The following GALNT16 variants were observed in gnomAD, a reference collection of about 807,000 sequenced individuals.
GALNT16 encodes the protein UDP-GalNAc:polypeptide N-acetylgalactosaminyltransferase-like protein 1.
A neutral mutation model predicts 76.1 loss-of-function variants in GALNT16; 40 were observed. The observed-to-expected ratio is 0.53, with a 90% CI of 0.41 to 0.68. The LOEUF is 0.68. GALNT16 is among the 30% of genes least tolerant of loss of function. The pLI is 0.00. For synonymous variants in GALNT16, 276 were observed against 285.2 expected (o/e 0.97, Z 0.32); for missense variants, 621 against 731.9 (o/e 0.85, Z 1.75).
intron 11 of GALNT16, among the ~76,000 whole-genome samples, chr14:69,341,097 C>T (rs1011617028): frequency 2.0e-5 from 3 of 152,124 alleles, no homozygotes; most frequent in Non-Finnish European, 4.4e-5. Context: ...ACTTAATTCA[C>T]TTGATTCTCA....
chr14:69,276,794 T>TA (rs57321455), intron 1 of GALNT16, among the ~76,000 whole-genome samples: 2 of 152,146 alleles, frequency 1.3e-5, no homozygotes, highest in Non-Finnish European at 2.9e-5. Context: ...CTTTTTGGAA[T>TA]AAAAAAACTC....
chr14:69,280,900 T>G (rs1443691285), intron 1 of GALNT16, among the ~76,000 whole-genome samples: 1 of 152,090 alleles, frequency 6.6e-6, no homozygotes, highest in Non-Finnish European at 1.5e-5. Flanking sequence ...TTTCCTCCCC[T>G]TGGGGAAGAA....
chr14:69,362,813 C>T, the GALNT16 span, among the ~76,000 whole-genome samples: 1 of 152,206 alleles, frequency 6.6e-6, no homozygotes, highest in African/African-American at 2.4e-5. Context: ...GGACTGTCTC[C>T]AGCCACCAGG....
intron 12 of GALNT16, among the ~76,000 whole-genome samples, chr14:69,344,764 G>T (rs1302601066): frequency 1.3e-5 from 2 of 152,202 alleles, no homozygotes; most frequent in Non-Finnish European, 2.9e-5. Flanking sequence ...GAGTAGCAGG[G>T]TCTGGAACAA....
intron 1 of GALNT16, among the ~76,000 whole-genome samples, chr14:69,296,462 G>C (rs1030098289): frequency 6.6e-6 from 1 of 152,174 alleles, no homozygotes; most frequent in African/African-American, 2.4e-5. Flanking sequence ...GGGAAGCCGA[G>C]GTGGGCAGAT....
intron 1 of GALNT16, among the ~76,000 whole-genome samples, chr14:69,295,936 T>C (rs970643305): frequency 6.6e-6 from 1 of 152,220 alleles, no homozygotes; most frequent in Non-Finnish European, 1.5e-5. Flanking sequence ...GTTTTGTTCA[T>C]GGACCCTTCC....
chr14:69,331,329 G>A (rs1205854855), intron 6 of GALNT16, 135 bp from the exon 7 acceptor site: 1 of 660,554 alleles, frequency 1.5e-6, no homozygotes, highest in Non-Finnish European at 2.7e-6. Context: ...AGGGTTGAGG[G>A]GTGGCCCTGG....
chr14:69,377,804 CAAAAAAAAAAAAAA>C, the GALNT16 span, among the ~76,000 whole-genome samples: 1,562 of 37,602 alleles, frequency 0.042, 41 homozygotes, highest in African/African-American at 0.12. Flanking sequence ...GAGACTGTCT[CAAAAAAAAAAAAAA>C]AAAAAAAAAA....
intron 13 of GALNT16, 122 bp downstream of exon 13, chr14:69,347,303 C>A: frequency 9.9e-7 from 1 of 1,014,096 alleles, no homozygotes. Flanking sequence ...ACCCACTTTG[C>A]CAGGGGCCCC....
chr14:69,326,125 A>C, intron 5 of GALNT16, 98 bp downstream of exon 5: 4 of 888,434 alleles, frequency 4.5e-6, no homozygotes, highest in Non-Finnish European at 5.7e-6. Context: ...CCAAGCCAAC[A>C]TGGTCCTGCT....
chr14:69,323,720 C>T (rs1024557921), intron 2 of GALNT16, among the ~76,000 whole-genome samples: 18 of 152,318 alleles, frequency 1.2e-4, no homozygotes, highest in Admixed American at 6.5e-4. Context: ...CAAGATTTCC[C>T]CCAGGGGGGT....
intron 1 of GALNT16, among the ~76,000 whole-genome samples, chr14:69,307,678 G>T (rs1203226598): frequency 2.0e-5 from 3 of 152,146 alleles, no homozygotes; most frequent in African/African-American, 7.2e-5. Context: ...TCCCTTTTCA[G>T]CTCTCCTTGC....
intron 4 of GALNT16, 81 bp from the exon 5 acceptor site, chr14:69,325,881 G>A (rs375329951): frequency 3.7e-6 from 4 of 1,093,538 alleles, no homozygotes; most frequent in Admixed American, 1.7e-5. Flanking sequence ...GCTTAGTATG[G>A]GGCAATTTTC....
chr14:69,360,055 A>AGAAAAAAG (rs1471803095), downstream of GALNT16, among the ~76,000 whole-genome samples: 1 of 151,964 alleles, frequency 6.6e-6, no homozygotes, highest in Non-Finnish European at 1.5e-5. Context: ...AAAGAAAAAA[A>AGAAAAAAG]GAAATGCAAA....
At chr14:69,278,795 T>C (rs2044504958) in intron 1 of GALNT16, among the ~76,000 whole-genome samples, 1 of 152,238 alleles carries the variant, frequency 6.6e-6, no homozygotes, top group Non-Finnish European at 1.5e-5. Context: ...ATAGCATTGA[T>C]TAATTCCTTA....
In GALNT16 at chr14:69,260,321, A is replaced by T; in HGVS notation, c.31A>T (p.Ile11Phe). 1 of 1,612,852 alleles carries T rather than the reference A, an allele frequency of 6.2e-7. No homozygotes were observed. Among genetic ancestry groups the T allele is most frequent in the Non-Finnish European group, 8.5e-7 (1 of 1,179,424 alleles). Residue 11 changes from isoleucine to phenylalanine, a missense_variant, in exon 1 of 15, where the codon ATC becomes TTC. Coordinates refer to ENST00000448469, the MANE Select transcript of GALNT16 (RefSeq NM_001168368.2). MRKIRANAIAILTVAWILGTF... is the reference protein window; with the variant it reads MRKIRANAIAFLTVAWILGTF... ...GAAGATCCGCGCCAATGCCATCGCC[A>T]TCCTGACCGTAGCCTGGATCCTGGG... is the stretch of plus-strand genomic sequence containing the variant.
chr14:69,367,320 G>T, the GALNT16 span, among the ~76,000 whole-genome samples: 2 of 152,032 alleles, frequency 1.3e-5, no homozygotes, highest in African/African-American at 2.4e-5. Flanking sequence ...ATTAGAAAGT[G>T]GGGGCTCTTG....
intron 14 of GALNT16, chr14:69,349,777 T>G (rs2045610452): frequency 6.6e-6 from 1 of 152,244 alleles, no homozygotes; most frequent in African/African-American, 2.4e-5. Context: ...GTGACATTGT[T>G]TCTCAGACAA....
At chr14:69,378,945 ATTTTT>A in the GALNT16 span, among the ~76,000 whole-genome samples, 3 of 150,092 alleles carry the variant, frequency 2.0e-5, no homozygotes, top group African/African-American at 7.3e-5. Flanking sequence ...AGCTTTATTT[ATTTTT>A]TTTTTGAGAC....
Sources: allele counts gnomAD v4.1 joint callset (sites outside exome capture counted in the v4.1 genomes callset), GRCh38; gene constraint gnomAD v4.1.1; transcripts MANE v1.5; gene names NCBI Gene and HGNC (gene_info 2026-07-23, HGNC 2026-07-21).